NTNG2: variants seen among roughly 807,000 people sequenced by gnomAD.
The protein encoded by NTNG2 is netrin G2, also known as netrin-G2.
Under a neutral mutation model 47.6 loss-of-function variants are expected in NTNG2, and 15 were observed. The ratio of observed to expected loss-of-function variants is 0.32; its 90% CI spans 0.21 to 0.49. The LOEUF (loss-of-function observed/expected upper bound fraction) is 0.49. Ranked by LOEUF, NTNG2 falls within the 20% of genes least tolerant of loss-of-function variation. The pLI, the probability that NTNG2 is intolerant of heterozygous loss-of-function variation, is 0.99. For synonymous variants in NTNG2, 307 were observed against 324.6 expected, an observed-to-expected ratio of 0.95 and a Z score of 0.58; for missense variants, 578 against 764.6, an observed-to-expected ratio of 0.76 and a Z score of 2.88.
chr9:132,170,760 C>G (rs1835857071), intron 2 of NTNG2, among the ~76,000 whole-genome samples: 1 of 152,154 alleles, frequency 6.6e-6, no homozygotes, highest in South Asian at 2.1e-4. Flanking sequence ...CCAAGGGAAT[C>G]CTGCCACTCC....
At chr9:132,212,770 G>A (rs1170897575) in intron 3 of NTNG2, among the ~76,000 whole-genome samples, 1 of 152,174 alleles carries the variant, frequency 6.6e-6, no homozygotes, top group Non-Finnish European at 1.5e-5. Context: ...TTGCTACCAT[G>A]TTCCTTTCAC....
chr9:132,216,418 G>A (rs2023364), intron 3 of NTNG2, among the ~76,000 whole-genome samples: 36 of 34,340 alleles, frequency 1.0e-3, no homozygotes, highest in African/African-American at 5.4e-3. Context: ...CTCTCTCTGT[G>A]TGTGTGTGTA....
At chr9:132,228,372 C>T (rs551825079) in intron 4 of NTNG2, among the ~76,000 whole-genome samples, 65 of 152,300 alleles carry the variant, frequency 4.3e-4, no homozygotes, top group African/African-American at 1.5e-3. Context: ...TGACAGCCCA[C>T]TCCAGCCGCT....
rs1837056120 is a variant in NTNG2 at position 132,182,886 on chromosome 9, CT to C, written c.214-15079del. ...TGCCTGGGAGCTTTTCATTCCCCCC[CT>C]GCCGCAGCTGCCCCCCAGACCAGCT... On this transcript the variant is annotated intron_variant, in intron 2 of 7. Coordinates refer to ENST00000393229, the MANE Select transcript of NTNG2 (RefSeq NM_032536.4). This position sits in a 1 kb window ranked among gnomAD's most constrained non-coding sequence, Gnocchi z 4.2. 6.6e-6 allele frequency among the ~76,000 whole-genome samples: 1 copy of C among 152,172 alleles called. No individual in the cohort carries two copies. Among genetic ancestry groups the C allele is most frequent in the African/African-American group, 2.4e-5 (1 of 41,438 alleles).
At chr9:132,168,933 A>C (rs899301141) in intron 2 of NTNG2, among the ~76,000 whole-genome samples, 1 of 152,204 alleles carries the variant, frequency 6.6e-6, no homozygotes, top group Non-Finnish European at 1.5e-5. Flanking sequence ...CTCCTTGCCA[A>C]AGCTGTCTAG....
rs1835105646 is a variant in NTNG2, at chr9:132,162,480, G to A, written c.-484+241G>A. Reference sequence around the variant, plus strand: ...TGCGTTCTTAGCAGCATCTTAAAGGGGTAGCTTGTCTTTCTGGCCAGCTTC... The same window carrying A: ...TGCGTTCTTAGCAGCATCTTAAAGGAGTAGCTTGTCTTTCTGGCCAGCTTC... On this transcript the variant is annotated intron_variant, in intron 1 of 7. Coordinates refer to ENST00000393229, the MANE Select transcript of NTNG2 (RefSeq NM_032536.4). The surrounding 1 kb of genome is among the most constrained non-coding windows in gnomAD (Gnocchi z 4.6). Among the ~76,000 whole-genome samples, 2 of 152,090 alleles carry A rather than the reference G, an allele frequency of 1.3e-5. No homozygotes were observed. Among genetic ancestry groups the A allele is most frequent in the South Asian group, 2.1e-4 (1 of 4,812 alleles).
At chr9:132,189,752 G>A (rs1323190311) in intron 2 of NTNG2, among the ~76,000 whole-genome samples, 2 of 152,006 alleles carry the variant, frequency 1.3e-5, no homozygotes, top group Non-Finnish European at 2.9e-5. Flanking sequence ...TGATTCTCGT[G>A]CCTCAGCCTC....
intron 3 of NTNG2, among the ~76,000 whole-genome samples, chr9:132,207,726 G>A (rs996832542): frequency 3.3e-5 from 5 of 152,192 alleles, no homozygotes; most frequent in Non-Finnish European, 7.3e-5. Flanking sequence ...CCAAGAGCAT[G>A]GAGGGGCTGA....
Position 132,184,646 on chromosome 9 carries a change from G to A in NTNG2, c.214-13320G>A, listed in dbSNP as rs763154433. On this transcript the variant is annotated intron_variant, in intron 2 of 7. Coordinates refer to ENST00000393229, the MANE Select transcript of NTNG2 (RefSeq NM_032536.4). ...CCAGTAGAAAACGAGGCCAGAAGCC[G>A]GACATGGTGGCTCACGCCTGTAATC... Among the ~76,000 whole-genome samples, 5 of 152,312 alleles carry A rather than the reference G, an allele frequency of 3.3e-5. No individual in the cohort carries two copies. The East Asian group carries it at 5.8e-4, about 18-fold the overall frequency.
At chr9:132,219,868 A>G (rs994603536) in intron 3 of NTNG2, among the ~76,000 whole-genome samples, 2 of 152,244 alleles carry the variant, frequency 1.3e-5, no homozygotes, top group African/African-American at 4.8e-5. Context: ...TTATATACCT[A>G]GGTAGAATTA....
At chr9:132,183,084 G>A (rs1456763481) in intron 2 of NTNG2, among the ~76,000 whole-genome samples, 1 of 152,184 alleles carries the variant, frequency 6.6e-6, no homozygotes, top group African/African-American at 2.4e-5. Flanking sequence ...AGGAGGAAGA[G>A]AATTCCATGG....
At chr9:132,174,380 G>A (rs912108194) in intron 2 of NTNG2, among the ~76,000 whole-genome samples, 4 of 151,922 alleles carry the variant, frequency 2.6e-5, no homozygotes, top group Middle Eastern at 3.4e-3. Flanking sequence ...ATGGACGGAC[G>A]GACAGACAGG....
In NTNG2 at chr9:132,230,552, C is replaced by A. The variant is rs150507312; in HGVS notation, c.1031-20C>A. The A allele has an allele frequency of 6.3e-7, 1 of 1,597,884 alleles. No individual in the cohort carries two copies. The highest frequency in any genetic ancestry group is 8.5e-7 in the Non-Finnish European group (1 of 1,171,932). ...CCCTTCCCCTGGGGCAGCCAGCTCA[C>A]GCCCGTCTCTCTCCCACAGGTGCCA... On this transcript the variant is annotated intron_variant, in intron 4 of 7. Coordinates refer to ENST00000393229, the MANE Select transcript of NTNG2 (RefSeq NM_032536.4).
rs116118336 is a variant in NTNG2, at chr9:132,203,472, G to A, written c.857+4863G>A. Among the ~76,000 whole-genome samples, 747 of 152,254 alleles carry A rather than the reference G, an allele frequency of 4.9e-3. 5 individuals carry two copies. The highest frequency in any genetic ancestry group is 0.017 in the African/African-American group (713 of 41,524). On this transcript the variant is annotated intron_variant, in intron 3 of 7. Coordinates refer to ENST00000393229, the MANE Select transcript of NTNG2 (RefSeq NM_032536.4). ...CTGGGGAGAAATGGAGACAGCAGGC[G>A]CCTCACAAGACAGTGGACCAAACAT...
intron 3 of NTNG2, among the ~76,000 whole-genome samples, chr9:132,201,902 C>T (rs534326807): frequency 3.9e-5 from 6 of 152,274 alleles, no homozygotes; most frequent in African/African-American, 1.2e-4. Context: ...AGCGCTCCCC[C>T]AGCCTCGTGT....
At chr9:132,176,188 A>AC (rs1836440095) in intron 2 of NTNG2, among the ~76,000 whole-genome samples, 1 of 151,978 alleles carries the variant, frequency 6.6e-6, no homozygotes, top group Non-Finnish European at 1.5e-5. Context: ...ATCTCTCAAA[A>AC]AAAAAAAGTC....
At chr9:132,168,622 A>C (rs1267192425) in intron 2 of NTNG2, among the ~76,000 whole-genome samples, 1 of 152,078 alleles carries the variant, frequency 6.6e-6, no homozygotes, top group East Asian at 1.9e-4. Context: ...GTCTGTGGCC[A>C]TAACTGCCCC....
In NTNG2 at chr9:132,221,232, T is replaced by C. The variant is rs1003409581; in HGVS notation, c.858-5617T>C. 2.6e-5 allele frequency among the ~76,000 whole-genome samples: 4 copies of C among 152,022 alleles called. No individual in the cohort carries two copies. The highest frequency in any genetic ancestry group is 3.9e-4 in the East Asian group (2 of 5,182). ...GCTCTAGGAGAAGGGGCAGAGCCTG[T>C]AGTACATTCCAGGCAGAGGGAACAG... On this transcript the variant is annotated intron_variant, in intron 3 of 7. Coordinates refer to ENST00000393229, the MANE Select transcript of NTNG2 (RefSeq NM_032536.4). This position sits in a 1 kb window ranked among gnomAD's most constrained non-coding sequence, Gnocchi z 4.2.
chr9:132,166,490 A>G lies in NTNG2; in HGVS notation c.-342A>G, dbSNP rs1381257188. On this transcript the variant is annotated 5_prime_UTR_variant, in exon 2 of 8. Transcript: ENST00000393229. The stretch of plus-strand genomic sequence containing the variant: ...TCCCTGCGGATTTTCTCCTTATCCC[A>G]TTTCCATCCACTGTCACAATTTGAG... 1 of 344,686 alleles carries G rather than the reference A, an allele frequency of 2.9e-6. No homozygotes were observed. Among genetic ancestry groups the G allele is most frequent in the Non-Finnish European group, 5.6e-6 (1 of 179,138 alleles). 21.4% of individuals were successfully genotyped at this position (344,686 alleles called of 1,614,324 possible). A position where few individuals can be genotyped will look rare whatever the true frequency, so the allele number is the denominator to read the frequency against.
Sources: gnomAD v4.1 joint callset for allele counts (sites outside exome capture counted in the v4.1 genomes callset) on GRCh38, gnomAD v4.1.1 for gene constraint, Gnocchi (gnomAD v3.1) non-coding constraint, MANE v1.5 for transcripts, NCBI Gene and HGNC (gene_info 2026-07-23, HGNC 2026-07-21) for gene names.